Variants in ARHGAP26 observed in about 807,000 individuals in gnomAD.
ARHGAP26 encodes the protein Rho GTPase activating protein 26, also known as rho GTPase-activating protein 26.
Under a neutral mutation model 104.8 loss-of-function variants are expected in ARHGAP26, and 38 were observed. That is an observed-to-expected ratio of 0.36 (90% CI 0.28 to 0.48). ARHGAP26 has a LOEUF of 0.48. Among genes scored for constraint, ARHGAP26 ranks in the 20% least tolerant of loss-of-function variants. The pLI is 0.99. For synonymous variants in ARHGAP26, 341 were observed against 340.0 expected (o/e 1.00, Z -0.03); for missense variants, 704 against 947.9 (o/e 0.74, Z 3.38).
intron 6 of ARHGAP26, among the ~76,000 whole-genome samples, chr5:142,897,258 C>G (rs1759602980): frequency 6.6e-6 from 1 of 152,102 alleles, no homozygotes; most frequent in African/African-American, 2.4e-5. Context: ...AGTGAGAAAC[C>G]TGGAGAGCTA....
intron 11 of ARHGAP26, among the ~76,000 whole-genome samples, chr5:143,001,795 G>A (rs1777227584): frequency 6.6e-6 from 1 of 152,196 alleles, no homozygotes; most frequent in Admixed American, 6.5e-5. Flanking sequence ...ACAGTGCTGG[G>A]GATACCCTTT....
chr5:143,216,001 C>T (rs139357845), intron 22 of ARHGAP26, among the ~76,000 whole-genome samples: 2 of 152,210 alleles, frequency 1.3e-5, no homozygotes, highest in East Asian at 1.9e-4. Context: ...ATATTAATTC[C>T]GTGTTTAAGT....
chr5:143,134,042 A>G lies in ARHGAP26; in HGVS notation c.1774A>G (p.Lys592Glu). 3 of 1,613,242 alleles carry G rather than the reference A, an allele frequency of 1.9e-6. No homozygotes were observed. Among genetic ancestry groups the G allele is most frequent in the Non-Finnish European group, 2.5e-6 (3 of 1,179,522 alleles). ...GTCTCGGAAGAAGAGCAGTGACTCC[A>G]AGCCCCCGTCCTGCAGCGAGAGGCC... ...HLSRKKSSDS[K>E]PPSCSERPLT... Residue 592 changes from lysine to glutamate, a missense_variant, in exon 19 of 23, where the codon AAG becomes GAG. Physicochemically the swap from Lys to Glu is moderately conservative, Grantham distance 56. Transcript: ENST00000645722.
rs186713724 is a variant in ARHGAP26 at position 143,017,896 on chromosome 5, G to A, written c.1144+3780G>A. 5.9e-5 allele frequency among the ~76,000 whole-genome samples: 9 copies of A among 152,266 alleles called. No homozygotes were observed. In the East Asian group the frequency reaches 1.4e-3, roughly 23 times the overall value. On this transcript the variant is annotated intron_variant, in intron 12 of 22. Transcript: ENST00000645722. ...CCCACCCAAAGCATTGCTGGACAAA[G>A]GCTATGCATATACTTAGTTTAAGCA...
intron 1 of ARHGAP26, among the ~76,000 whole-genome samples, chr5:142,818,201 C>A (rs533454175): frequency 1.3e-5 from 2 of 150,876 alleles, no homozygotes; most frequent in Non-Finnish European, 2.9e-5. Context: ...AGGAGAATGC[C>A]ATGTACCAAT....
chr5:142,949,103 T>TC (rs201519725), intron 11 of ARHGAP26, among the ~76,000 whole-genome samples: 1,750 of 139,110 alleles, frequency 0.013, 65 homozygotes, highest in African/African-American at 0.046. Context: ...AGACTCCGTC[T>TC]CAAAAAAAAA....
At chr5:142,922,359 C>G (rs1017752133) in intron 10 of ARHGAP26, among the ~76,000 whole-genome samples, 1 of 151,956 alleles carries the variant, frequency 6.6e-6, no homozygotes, top group Non-Finnish European at 1.5e-5. Flanking sequence ...GTATTAGTAA[C>G]TATTAGAAGG....
intron 1 of ARHGAP26, among the ~76,000 whole-genome samples, chr5:142,844,769 C>T (rs747700212): frequency 2.3e-4 from 35 of 150,984 alleles, no homozygotes; most frequent in Non-Finnish European, 4.4e-4. Context: ...GCAAGAGAAT[C>T]GCTTGAATCT....
At chr5:142,823,400 T>A (rs1204351812) in intron 1 of ARHGAP26, among the ~76,000 whole-genome samples, 7 of 152,180 alleles carry the variant, frequency 4.6e-5, no homozygotes, top group Admixed American at 2.6e-4. Context: ...TTCTGTGTTT[T>A]TTTTTCTTTC....
chr5:143,217,159 TAAG>T (rs1221784344), intron 22 of ARHGAP26, among the ~76,000 whole-genome samples: 1 of 152,072 alleles, frequency 6.6e-6, no homozygotes, highest in Non-Finnish European at 1.5e-5. Context: ...GTTTCAGGAT[TAAG>T]AAGAATGAAT....
chr5:143,158,875 A>G (rs929291985), intron 20 of ARHGAP26, among the ~76,000 whole-genome samples: 2 of 94,470 alleles, frequency 2.1e-5, no homozygotes, highest in African/African-American at 6.3e-5. Context: ...GTTATTGTCC[A>G]CAAACAAACA....
intron 17 of ARHGAP26, among the ~76,000 whole-genome samples, chr5:143,088,464 A>C (rs546009289): frequency 6.7e-6 from 1 of 149,060 alleles, no homozygotes; most frequent in South Asian, 2.2e-4. Context: ...GTTTGGACCA[A>C]ATTGTTAAAA....
rs532441470 is a variant in ARHGAP26 at position 142,948,117 on chromosome 5, C to T, written c.1107+15992C>T. ...CCCTTTTCAGACGCGGGCTTTGATGCGGCACTTTAGACGTGGCACTTTCAA... is the reference window on the plus strand; with the variant it reads ...CCCTTTTCAGACGCGGGCTTTGATGTGGCACTTTAGACGTGGCACTTTCAA... On this transcript the variant is annotated intron_variant, in intron 11 of 22. Transcript: ENST00000645722. 1.2e-4 allele frequency among the ~76,000 whole-genome samples: 19 copies of T among 152,204 alleles called. No individual in the cohort carries two copies. In the South Asian group the frequency reaches 3.1e-3, roughly 25 times the overall value.
intron 11 of ARHGAP26, among the ~76,000 whole-genome samples, chr5:142,983,811 A>C (rs932070169): frequency 6.6e-6 from 1 of 152,228 alleles, no homozygotes; most frequent in Admixed American, 6.5e-5. Flanking sequence ...ATATCTAGAC[A>C]CACATCTATT....
At chr5:142,850,536 A>G (rs758594580) in intron 1 of ARHGAP26, among the ~76,000 whole-genome samples, 10 of 152,238 alleles carry the variant, frequency 6.6e-5, no homozygotes, top group Non-Finnish European at 1.0e-4. Flanking sequence ...ATACTTGCAT[A>G]CAAACTTTCG....
chr5:142,871,208 G>A lies in ARHGAP26; in HGVS notation c.155-2192G>A, dbSNP rs1755236872. ...GGTGTGCTCTGTGCCAGTGGACAAG[G>A]AAATCAGGTCACCTGCTGGTCATAA... is the stretch of plus-strand genomic sequence containing the variant. On this transcript the variant is annotated intron_variant, in intron 1 of 22. Transcript: ENST00000645722. The surrounding 1 kb of genome is among the most constrained non-coding windows in gnomAD (Gnocchi z 4.1). 6.6e-6 allele frequency among the ~76,000 whole-genome samples: 1 copy of A among 152,194 alleles called. No homozygotes were observed. Among genetic ancestry groups the A allele is most frequent in the African/African-American group, 2.4e-5 (1 of 41,426 alleles).
chr5:142,878,142 G>A (rs1316543596), intron 3 of ARHGAP26, among the ~76,000 whole-genome samples: 1 of 152,154 alleles, frequency 6.6e-6, no homozygotes, highest in Non-Finnish European at 1.5e-5. Context: ...CATTTACCCG[G>A]TTAGTTTCAT....
At position 143,223,828 on chromosome 5, in the gene ARHGAP26, C is replaced by G. The variant is rs576205819; in HGVS notation, c.*1382C>G. 4.7e-5 allele frequency: 11 copies of G among 232,346 alleles called. No individual in the cohort carries two copies. The highest frequency in any genetic ancestry group is 2.4e-4 in the African/African-American group (11 of 45,384). The allele number at this position is 232,346 out of a possible 1,614,324, so 14.4% of individuals were successfully genotyped here. ...AAGGGAATTTGCTGGTGAAAAGAGG[C>G]TGGATCTTGTGGAAGACTGTCTTGG... On this transcript the variant is annotated 3_prime_UTR_variant, in exon 23 of 23. Transcript: ENST00000645722.
intron 11 of ARHGAP26, among the ~76,000 whole-genome samples, chr5:143,007,523 G>A (rs1418501747): frequency 2.6e-5 from 4 of 152,168 alleles, no homozygotes; most frequent in Non-Finnish European, 4.4e-5. Context: ...TGAGTTCTTT[G>A]TTAATTGGCA....
Sources: allele counts gnomAD v4.1 joint callset (sites outside exome capture counted in the v4.1 genomes callset), GRCh38; gene constraint gnomAD v4.1.1; non-coding constraint Gnocchi (gnomAD v3.1); transcripts MANE v1.5; gene names NCBI Gene and HGNC (gene_info 2026-07-23, HGNC 2026-07-21).